MAGEB17: variants seen among roughly 807,000 people sequenced by gnomAD.
MAGEB17 encodes MAGE family member B17, also known as melanoma-associated antigen B17.
For missense variants in MAGEB17, 251 were observed against 281.4 expected, an observed-to-expected ratio of 0.89 and a Z score of 0.77; for synonymous variants, 110 against 112.4, an observed-to-expected ratio of 0.98 and a Z score of 0.13.
chrX:16,169,762 G>T (rs1333434544), intron 1 of MAGEB17, among the ~76,000 whole-genome samples: 1 of 111,303 alleles, frequency 9.0e-6, no homozygotes, highest in African/African-American at 3.3e-5. Flanking sequence ...GAGGAATCTG[G>T]TGGGCTGAGC....
At chrX:16,168,312 G>A (rs752569396) in intron 1 of MAGEB17, among the ~76,000 whole-genome samples, 14 of 108,715 alleles carry the variant, frequency 1.3e-4, no homozygotes, top group Non-Finnish European at 1.9e-4. Flanking sequence ...CGCCATGAGC[G>A]TGGCGACAGA....
rs760695852 is a variant in MAGEB17 at position 16,171,184 on chromosome X, C to T, written c.802C>T (p.Arg268Cys). ...GCAGGTGCCCAGCAGCGATCCTCCA[C>T]GCTACGAGTTCCTGTGGGGTCCCAG... is the stretch of plus-strand genomic sequence containing the variant. ...YQQVPSSDPP[R>C]YEFLWGPRAR... is the part of the protein sequence containing the mutation. Residue 268 changes from arginine to cysteine, a missense_variant, in exon 2 of 2, where the codon CGC (arginine) becomes TGC (cysteine). Coordinates refer to ENST00000400004, the MANE Select transcript of MAGEB17 (RefSeq NM_001277307.2). 356 of 1,208,776 alleles carry T rather than the reference C, an allele frequency of 2.9e-4. 1 individual carries two copies. Among genetic ancestry groups the T allele is most frequent in the South Asian group, 1.6e-3 (88 of 56,536 alleles).
At chrX:16,169,079 C>T (rs1923003593) in intron 1 of MAGEB17, among the ~76,000 whole-genome samples, 2 of 111,691 alleles carry the variant, frequency 1.8e-5, no homozygotes, top group Non-Finnish European at 3.8e-5. Context: ...AGAAGTGGCT[C>T]TTTTGCACCA....
chrX:16,170,733 G>A lies in MAGEB17; in HGVS notation c.351G>A (p.Val117=). 2 of 1,167,373 alleles carry A rather than the reference G, an allele frequency of 1.7e-6. No individual in the cohort carries two copies. The highest frequency in any genetic ancestry group is 1.9e-5 in the South Asian group (1 of 52,735). Residue 117 remains valine (V), a synonymous_variant, in exon 2 of 2, where the codon GTG becomes GTA. Transcript: ENST00000400004. The stretch of plus-strand genomic sequence containing the variant: ...TGAACACGAAGACGGGCGAATTGGT[G>A]CAGTTCCTCCTCAACAAGTATATAA... ...DLLNTKTGEL[V]QFLLNKYIRK...
chrX:16,171,416 T>C lies in MAGEB17; in HGVS notation c.*23T>C, dbSNP rs1318337584. ...TAGTGAAGTCTCAGGCAATCCTCACTAAGAGATTGAAAAGCCTGTCCACCA... is the reference window on the plus strand; with the variant it reads ...TAGTGAAGTCTCAGGCAATCCTCACCAAGAGATTGAAAAGCCTGTCCACCA... On this transcript the variant is annotated 3_prime_UTR_variant, in exon 2 of 2. Coordinates refer to ENST00000400004, the MANE Select transcript of MAGEB17 (RefSeq NM_001277307.2). 1 of 1,079,841 alleles carries C rather than the reference T, an allele frequency of 9.3e-7. No individual in the cohort carries two copies. The highest frequency in any genetic ancestry group is 3.9e-5 in the Admixed American group (1 of 25,673). 89.0% of individuals were successfully genotyped at this position (1,079,841 alleles called of 1,213,427 possible). A position where few individuals can be genotyped will look rare whatever the true frequency, so the allele number is the denominator to read the frequency against.
Position 16,170,909 on chromosome X carries a change from A to G in MAGEB17, c.527A>G (p.Tyr176Cys), listed in dbSNP as rs1389729198. 8.6e-7 allele frequency: 1 copy of G among 1,167,295 alleles called. No homozygotes were observed. The highest frequency in any genetic ancestry group is 1.9e-5 in the South Asian group (1 of 52,754). Residue 176 changes from tyrosine (Y) to cysteine (C), a missense_variant, in exon 2 of 2, where the codon TAT (tyrosine) becomes TGT (cysteine). Tyr to Cys is a radical substitution (Grantham distance 194). Transcript: ENST00000400004. The stretch of plus-strand genomic sequence containing the variant: ...GAAATGGACCCCAGCCGTCAGTCCT[A>G]TGTGCTTGTTGGCAAGCTGGACTTT... ...LKEMDPSRQS[Y>C]VLVGKLDFPN...
chrX:16,170,983 C>T lies in MAGEB17; in HGVS notation c.601C>T (p.Leu201Phe). The T allele has an allele frequency of 8.6e-7, 1 of 1,167,051 alleles. No homozygotes were observed. The stretch of plus-strand genomic sequence containing the variant: ...TGGCGGGGGCTTTCCCCTGAGCGGG[C>T]TCCTGATGGTTCTCCTGAGCACCAT... ...SDGGGFPLSGLLMVLLSTIFM... is the reference protein window; with the variant it reads ...SDGGGFPLSGFLMVLLSTIFM... Residue 201 changes from leucine to phenylalanine, a missense_variant, in exon 2 of 2, where the codon CTC becomes TTC. Coordinates refer to ENST00000400004, the MANE Select transcript of MAGEB17 (RefSeq NM_001277307.2).
At position 16,170,625 on chromosome X, in the gene MAGEB17, T is replaced by G. The variant is rs778448775; in HGVS notation, c.243T>G (p.Asp81Glu). ...CAGCTGTTTCACTCACAAGTTCTGA[T>G]GAAGGTGCCAAGGGCCAAAAGGGGG... ...PASAVSLTSS[D>E]EGAKGQKGES... Residue 81 changes from aspartate to glutamate, a missense_variant, in exon 2 of 2, where the codon GAT becomes GAG. Asp to Glu is a conservative substitution (Grantham distance 45). Coordinates refer to ENST00000400004, the MANE Select transcript of MAGEB17 (RefSeq NM_001277307.2). 6.0e-6 allele frequency: 7 copies of G among 1,166,942 alleles called. No homozygotes were observed. The South Asian group carries it at 1.1e-4, about 19-fold the overall frequency.
chrX:16,169,604 G>A (rs1240534485), intron 1 of MAGEB17, among the ~76,000 whole-genome samples: 1 of 111,685 alleles, frequency 9.0e-6, no homozygotes, highest in Non-Finnish European at 1.9e-5. Context: ...AGTGAGAGCT[G>A]AGGAGAGCAC....
chrX:16,170,224 G>A (rs1923025962), intron 1 of MAGEB17, 110 bp from the exon 2 acceptor site: 1 of 1,027,619 alleles, frequency 9.7e-7, no homozygotes, highest in Non-Finnish European at 1.3e-6. Context: ...TGGAGAACAG[G>A]AGCCTGGTGG....
chrX:16,171,016 C>T lies in MAGEB17; in HGVS notation c.634C>T (p.His212Tyr), dbSNP rs779403822. 7.7e-6 allele frequency: 9 copies of T among 1,166,902 alleles called. No homozygotes were observed. In the East Asian group the frequency reaches 1.9e-4, roughly 25 times the overall value. Residue 212 changes from histidine to tyrosine, a missense_variant, in exon 2 of 2, where the codon CAT becomes TAT. His to Tyr is a moderately conservative substitution (Grantham distance 83). Transcript: ENST00000400004. ...GGTTCTCCTGAGCACCATCTTCATG[C>T]ATGGCAACCGTGCCACTGAGGAAGA... ...LMVLLSTIFM[H>Y]GNRATEEEMW... is the part of the protein sequence containing the mutation.
At chrX:16,168,304 C>G (rs759787192) in intron 1 of MAGEB17, among the ~76,000 whole-genome samples, 1 of 109,886 alleles carries the variant, frequency 9.1e-6, no homozygotes, top group South Asian at 4.1e-4. Flanking sequence ...CATGGTCACG[C>G]CATGAGCGTG....
rs1395701013 is a variant in MAGEB17, at chrX:16,170,924, A to C, written c.542A>C (p.Lys181Thr). 8.6e-7 allele frequency: 1 copy of C among 1,167,446 alleles called. No individual in the cohort carries two copies. Among genetic ancestry groups the C allele is most frequent in the Non-Finnish European group, 1.1e-6 (1 of 873,143 alleles). Reference protein sequence around the residue: ...PSRQSYVLVGKLDFPNQGSLS... With the variant: ...PSRQSYVLVGTLDFPNQGSLS... ...CGTCAGTCCTATGTGCTTGTTGGCA[A>C]GCTGGACTTTCCCAATCAAGGAAGC... is the stretch of plus-strand genomic sequence containing the variant. The change falls in exon 2 of 2, where the codon AAG (lysine) becomes ACG (threonine). Residue 181 changes from lysine (K) to threonine (T), a missense_variant. Lys to Thr is a moderately conservative substitution (Grantham distance 78). Transcript: ENST00000400004.
In MAGEB17 at chrX:16,168,062, G is replaced by A. The variant is rs1036803624; in HGVS notation, c.-50+279G>A. Among the ~76,000 whole-genome samples the A allele has an allele frequency of 6.2e-5, 7 of 112,331 alleles. 1 individual carries two copies. The highest frequency in any genetic ancestry group is 1.3e-4 in the Non-Finnish European group (7 of 53,209). The stretch of plus-strand genomic sequence containing the variant: ...CCCAAACATGGGAGGCCCACGAGGC[G>A]GGCATGGTAGCTCACACCTGTGATC... On this transcript the variant is annotated intron_variant, in intron 1 of 1. Transcript: ENST00000400004.
At chrX:16,169,006 T>C (rs1325687494) in intron 1 of MAGEB17, 4 of 111,673 alleles carry the variant, frequency 3.6e-5, no homozygotes, top group Non-Finnish European at 7.5e-5. Flanking sequence ...TGGGAAACCA[T>C]GGGCAGAGCC....
In MAGEB17 at chrX:16,167,591, G is replaced by C. The variant is rs1006233409; in HGVS notation, c.-242G>C. ...CGGAGAGGACACTGAGTACACTGGA[G>C]AGGACTTCTATGCAAAAAGGGGGCC... is the stretch of plus-strand genomic sequence containing the variant. On this transcript the variant is annotated 5_prime_UTR_variant, in exon 1 of 2. Coordinates refer to ENST00000400004, the MANE Select transcript of MAGEB17 (RefSeq NM_001277307.2). 9.0e-5 allele frequency: 10 copies of C among 110,840 alleles called. No homozygotes were observed. The highest frequency in any genetic ancestry group is 3.3e-4 in the African/African-American group (10 of 30,384). 9.1% of individuals were successfully genotyped at this position (110,840 alleles called of 1,213,427 possible).
At position 16,171,032 on chromosome X, in the gene MAGEB17, C is replaced by A; in HGVS notation, c.650C>A (p.Thr217Asn). 1 of 1,168,483 alleles carries A rather than the reference C, an allele frequency of 8.6e-7. No individual in the cohort carries two copies. The highest frequency in any genetic ancestry group is 1.1e-6 in the Non-Finnish European group (1 of 873,670). The change falls in exon 2 of 2, where the codon ACT becomes AAT. Residue 217 changes from threonine (T) to asparagine (N), a missense_variant. Thr to Asn is a moderately conservative substitution (Grantham distance 65). Coordinates refer to ENST00000400004, the MANE Select transcript of MAGEB17 (RefSeq NM_001277307.2). The part of the protein sequence containing the change: ...STIFMHGNRA[T>N]EEEMWECLNA... ...ATCTTCATGCATGGCAACCGTGCCA[C>A]TGAGGAAGAGATGTGGGAATGCCTG... is the stretch of plus-strand genomic sequence containing the variant.
Position 16,170,818 on chromosome X carries a change from C to T in MAGEB17, c.436C>T (p.His146Tyr). 1 of 1,167,433 alleles carries T rather than the reference C, an allele frequency of 8.6e-7. No individual in the cohort carries two copies. The highest frequency in any genetic ancestry group is 1.1e-6 in the Non-Finnish European group (1 of 873,145). ...GGTTATCAACAGAAAGTACAAGCAG[C>T]ACTTCCCTGAGATCCTCCGGAGAAG... ...LKVINRKYKQHFPEILRRSTE... is the reference protein window; with the variant it reads ...LKVINRKYKQYFPEILRRSTE... Residue 146 changes from histidine (H) to tyrosine (Y), a missense_variant, in exon 2 of 2, where the codon CAC (histidine) becomes TAC (tyrosine). His to Tyr is a moderately conservative substitution (Grantham distance 83). Coordinates refer to ENST00000400004, the MANE Select transcript of MAGEB17 (RefSeq NM_001277307.2).
chrX:16,170,722 G>A lies in MAGEB17; in HGVS notation c.340G>A (p.Gly114Ser). The part of the protein sequence containing the change: ...TGRDLLNTKT[G>S]ELVQFLLNKY... Reference sequence around the variant, plus strand: ...AAGAGATCTTCTGAACACGAAGACGGGCGAATTGGTGCAGTTCCTCCTCAA... The same window carrying A: ...AAGAGATCTTCTGAACACGAAGACGAGCGAATTGGTGCAGTTCCTCCTCAA... Residue 114 changes from glycine (G) to serine (S), a missense_variant, in exon 2 of 2, where the codon GGC (glycine) becomes AGC (serine). Gly to Ser is a moderately conservative substitution (Grantham distance 56). Coordinates refer to ENST00000400004, the MANE Select transcript of MAGEB17 (RefSeq NM_001277307.2). 8.6e-7 allele frequency: 1 copy of A among 1,167,291 alleles called. No individual in the cohort carries two copies. Among genetic ancestry groups the A allele is most frequent in the African/African-American group, 1.8e-5 (1 of 56,378 alleles).
Sources: allele counts gnomAD v4.1 joint callset (sites outside exome capture counted in the v4.1 genomes callset), GRCh38; gene constraint gnomAD v4.1.1; transcripts MANE v1.5; gene names NCBI Gene and HGNC (gene_info 2026-07-23, HGNC 2026-07-21).